ACSM2A: variants seen among roughly 807,000 people sequenced by gnomAD.
ACSM2A encodes the protein acyl-CoA synthetase medium chain family member 2A.
Under a neutral mutation model 76.6 loss-of-function variants are expected in ACSM2A, and 72 were observed. That is an observed-to-expected ratio of 0.94 (90% confidence interval 0.78 to 1.14). ACSM2A has a LOEUF of 1.14. Ranked by LOEUF, ACSM2A falls within the 50% of genes most tolerant of loss-of-function variation. The pLI, the probability that ACSM2A is intolerant of heterozygous loss-of-function variation, is 0.00. For synonymous variants in ACSM2A, 249 were observed against 255.9 expected, an observed-to-expected ratio of 0.97 and a Z score of 0.26; for missense variants, 684 against 708.5, an observed-to-expected ratio of 0.97 and a Z score of 0.39.
chr16:20,483,831 C>T lies in ACSM2A; in HGVS notation c.1629+654C>T, dbSNP rs1411893412. ...GAAATCTAGCTTGACATTTATTGCTCATGCAATTGAAAAGTCCAGGGGTGG... is the reference window on the plus strand; with the variant it reads ...GAAATCTAGCTTGACATTTATTGCTTATGCAATTGAAAAGTCCAGGGGTGG... On this transcript the variant is annotated intron_variant, in intron 13 of 13. Coordinates refer to ENST00000573854, the MANE Select transcript of ACSM2A (RefSeq NM_001308172.2). Among the ~76,000 whole-genome samples the T allele has an allele frequency of 2.0e-5, 3 of 152,076 alleles. No individual in the cohort carries two copies. The East Asian group carries it at 5.8e-4, about 29-fold the overall frequency.
In ACSM2A at chr16:20,471,643, C is replaced by T. The variant is rs1204248453; in HGVS notation, c.848C>T (p.Thr283Ile). ...GAACCTTGGGCATTAGGAGCATGCA[C>T]ATTTGTTCATCTCTTGCCAAAGTTT... ...LMEPWALGAC[T>I]FVHLLPKFDP... is the part of the protein sequence containing the mutation. Residue 283 changes from threonine (T) to isoleucine (I), a missense_variant, in exon 6 of 14, where the codon ACA becomes ATA. Thr to Ile is a moderately conservative substitution (Grantham distance 89). Around this residue, in one of 3 missense-constraint regions of ACSM2A, gnomAD observed 519 missense variants for 549.5 expected, o/e 0.94. Transcript: ENST00000573854. 3 of 1,613,910 alleles carry T rather than the reference C, an allele frequency of 1.9e-6. No individual in the cohort carries two copies. Among genetic ancestry groups the T allele is most frequent in the South Asian group, 2.2e-5 (2 of 91,054 alleles).
chr16:20,467,854 T>A (rs2013108313), intron 3 of ACSM2A, among the ~76,000 whole-genome samples: 1 of 151,998 alleles, frequency 6.6e-6, no homozygotes, highest in Admixed American at 6.6e-5. Context: ...GGATGAGAAG[T>A]ACAGTGGTAT....
intron 10 of ACSM2A, among the ~76,000 whole-genome samples, chr16:20,480,220 G>C (rs2014003167): frequency 6.6e-6 from 1 of 152,172 alleles, no homozygotes; most frequent in Non-Finnish European, 1.5e-5. Context: ...CAAAATGATA[G>C]CTTTGAGTGG....
At chr16:20,477,475 G>A (rs972409827) in intron 9 of ACSM2A, 26 bp downstream of exon 9, 17 of 1,581,206 alleles carry the variant, frequency 1.1e-5, no homozygotes, top group Non-Finnish European at 1.5e-5. Flanking sequence ...TGAGGAGGGA[G>A]GAAGTTAGGG....
At chr16:20,467,500 T>C (rs2013079548) in intron 3 of ACSM2A, among the ~76,000 whole-genome samples, 1 of 152,124 alleles carries the variant, frequency 6.6e-6, no homozygotes. Flanking sequence ...GAAGCGATGG[T>C]GATGGCTTCA....
chr16:20,480,565 G>C lies in ACSM2A; in HGVS notation c.1282-8G>C, dbSNP rs758115021. On this transcript the variant is annotated splice_polypyrimidine_tract_variant and splice_region_variant and intron_variant, in intron 10 of 13. Transcript: ENST00000573854. The stretch of plus-strand genomic sequence containing the variant: ...GGCACAATGACTCTGTCTTTCTGTG[G>C]TCACCAGGACAATCCCGACAAGACA... The C allele has an allele frequency of 6.2e-7, 1 of 1,613,086 alleles. No homozygotes were observed. Among genetic ancestry groups the C allele is most frequent in the Non-Finnish European group, 8.5e-7 (1 of 1,179,566 alleles).
chr16:20,455,693 TTTAAA>T (rs1321520097), intron 1 of ACSM2A, among the ~76,000 whole-genome samples: 1 of 147,968 alleles, frequency 6.8e-6, no homozygotes, highest in Non-Finnish European at 1.5e-5. Flanking sequence ...ATAGAACCTT[TTTAAA>T]GCATAAACCT....
intron 2 of ACSM2A, 145 bp from the exon 3 acceptor site, chr16:20,465,372 A>G (rs35903984): frequency 0.14 from 143,872 of 1,057,924 alleles, 13,263 homozygotes; most frequent in East Asian, 0.39. Flanking sequence ...AAGTCTTTAG[A>G]ATTTTCAATA....
intron 13 of ACSM2A, among the ~76,000 whole-genome samples, chr16:20,485,998 GT>G (rs2014366029): frequency 6.6e-6 from 1 of 152,180 alleles, no homozygotes; most frequent in South Asian, 2.1e-4. Context: ...AGATTTTATA[GT>G]TTTGCTTAGG....
Position 20,471,163 on chromosome 16 carries a change from G to C in ACSM2A, c.687G>C (p.Lys229Asn), listed in dbSNP as rs1355986606. 1.2e-6 allele frequency: 2 copies of C among 1,612,934 alleles called. No homozygotes were observed. The highest frequency in any genetic ancestry group is 2.2e-5 in the East Asian group (1 of 44,856). The part of the protein sequence containing the change: ...YFTSGTSGLP[K>N]MAEHSYSSLG... ...CTAGTGGGACCAGTGGTCTTCCCAA[G>C]ATGGCAGAACATTCCTACTCGAGCC... Residue 229 changes from lysine to asparagine, a missense_variant, in exon 5 of 14, where the codon AAG becomes AAC. By Grantham distance (94) the Lys-to-Asn change is moderately conservative. Around this residue, in one of 3 missense-constraint regions of ACSM2A, gnomAD observed 519 missense variants for 549.5 expected, o/e 0.94. Transcript: ENST00000573854.
chr16:20,463,808 C>A (rs1244079536), intron 2 of ACSM2A, among the ~76,000 whole-genome samples: 1 of 152,160 alleles, frequency 6.6e-6, no homozygotes, highest in Non-Finnish European at 1.5e-5. Flanking sequence ...CTTGGCATGT[C>A]TTCAAGGTTT....
In ACSM2A at chr16:20,480,829, A is replaced by G; in HGVS notation, c.1417A>G (p.Ile473Val). The stretch of plus-strand genomic sequence containing the variant: ...GGACAGGTTCTTCTGCAGGTACCGG[A>G]TTGGACCCTCGGAGGTAGAGAATGC... ...NDIINSSGYRIGPSEVENALM... is the reference protein window; with the variant it reads ...NDIINSSGYRVGPSEVENALM... The change falls in exon 12 of 14, where the codon ATT becomes GTT. Residue 473 changes from isoleucine to valine, a missense_variant. Around this residue, in one of 3 missense-constraint regions of ACSM2A, gnomAD observed 159 missense variants for 132.5 expected, o/e 1.20. Coordinates refer to ENST00000573854, the MANE Select transcript of ACSM2A (RefSeq NM_001308172.2). 6.2e-7 allele frequency: 1 copy of G among 1,613,760 alleles called. No homozygotes were observed. The highest frequency in any genetic ancestry group is 8.5e-7 in the Non-Finnish European group (1 of 1,179,842).
At position 20,470,837 on chromosome 16, in the gene ACSM2A, C is replaced by A. The variant is rs5008467; in HGVS notation, c.597-236C>A. On this transcript the variant is annotated intron_variant, in intron 4 of 13. Coordinates refer to ENST00000573854, the MANE Select transcript of ACSM2A (RefSeq NM_001308172.2). ...GCAGATATAAAGTCAGACACAGAGA[C>A]GTTAAATAAGTAGTTTAAGGTTGCA... is the stretch of plus-strand genomic sequence containing the variant. 304 of 690,872 alleles carry A rather than the reference C, an allele frequency of 4.4e-4. 2 individuals are homozygous for A. Among genetic ancestry groups the A allele is most frequent in the African/African-American group, 3.6e-3 (206 of 56,978 alleles). The allele number at this position is 690,872 out of a possible 1,614,324, so 42.8% of individuals were successfully genotyped here.
chr16:20,475,296 C>T, intron 6 of ACSM2A, 66 bp from the exon 7 acceptor site: 1 of 1,611,494 alleles, frequency 6.2e-7, no homozygotes, highest in Admixed American at 1.7e-5. Context: ...ATTGTAACCA[C>T]TGTGCATAGC....
At chr16:20,481,691 A>G (rs574098376) in intron 12 of ACSM2A, 1 of 146,126 alleles carries the variant, frequency 6.8e-6, no homozygotes, top group South Asian at 2.4e-4. Context: ...ACAACCATGT[A>G]TTGTATATTT....
chr16:20,459,053 C>G (rs1292351656), intron 1 of ACSM2A, among the ~76,000 whole-genome samples: 31 of 150,636 alleles, frequency 2.1e-4, no homozygotes, highest in Admixed American at 2.0e-3. Flanking sequence ...GAATGGAAAC[C>G]CAAGCATCAT....
chr16:20,485,037 C>T (rs1378787205), intron 13 of ACSM2A, among the ~76,000 whole-genome samples: 1 of 152,146 alleles, frequency 6.6e-6, no homozygotes, highest in African/African-American at 2.4e-5. Context: ...CTGTGATCCT[C>T]AGTTTCCTTA....
rs1436136360 is a variant in ACSM2A at position 20,460,145 on chromosome 16, T to G, written c.31T>G (p.Cys11Gly). ...TTGGCTGCGAAAAGTTCAGGGACTT[T>G]GCACCCTGTGGGGTACTCAGATGTC... The part of the protein sequence containing the change: MHWLRKVQGL[C>G]TLWGTQMSSR... The change falls in exon 2 of 14, where the codon TGC becomes GGC. Residue 11 changes from cysteine to glycine, a missense_variant. Coordinates refer to ENST00000573854, the MANE Select transcript of ACSM2A (RefSeq NM_001308172.2). 1 of 1,612,478 alleles carries G rather than the reference T, an allele frequency of 6.2e-7. No individual in the cohort carries two copies. Among genetic ancestry groups the G allele is most frequent in the Admixed American group, 1.7e-5 (1 of 59,844 alleles).
intron 1 of ACSM2A, among the ~76,000 whole-genome samples, chr16:20,457,613 C>T (rs2012266647): frequency 6.6e-6 from 1 of 152,024 alleles, no homozygotes; most frequent in Non-Finnish European, 1.5e-5. Context: ...AAAAATCCAG[C>T]ATCCTCTTAT....
Sources: allele counts gnomAD v4.1 joint callset (sites outside exome capture counted in the v4.1 genomes callset), GRCh38; gene constraint gnomAD v4.1.1; regional missense constraint gnomAD v4.1.1; transcripts MANE v1.5; gene names NCBI Gene and HGNC (gene_info 2026-07-23, HGNC 2026-07-21).